The following SH3GL2 variants were observed in gnomAD, a reference collection of about 807,000 sequenced individuals.
SH3GL2 encodes the protein SH3 domain containing GRB2 like 2, endophilin A1, also known as endophilin-A1.
Under a neutral mutation model 46.0 loss-of-function variants are expected in SH3GL2, and 24 were observed. That is an observed-to-expected ratio of 0.52 (90% confidence interval 0.38 to 0.73). The LOEUF (loss-of-function observed/expected upper bound fraction) is 0.73, where lower values mean the gene tolerates loss of function less well. Among genes scored for constraint, SH3GL2 ranks in the 30% least tolerant of loss-of-function variants. SH3GL2 has a pLI of 0.00. For synonymous variants in SH3GL2, 196 were observed against 147.1 expected, an observed-to-expected ratio of 1.33 and a Z score of -2.40; for missense variants, 413 against 424.2, an observed-to-expected ratio of 0.97 and a Z score of 0.23.
intron 1 of SH3GL2, among the ~76,000 whole-genome samples, chr9:17,732,104 C>G (rs1822201177): frequency 1.3e-5 from 2 of 152,128 alleles, no homozygotes; most frequent in Non-Finnish European, 2.9e-5. Context: ...GGCCAACTCA[C>G]TTTCACTCTT....
At chr9:17,696,671 G>A (rs531168317) in intron 1 of SH3GL2, among the ~76,000 whole-genome samples, 1 of 152,204 alleles carries the variant, frequency 6.6e-6, no homozygotes, top group South Asian at 2.1e-4. Flanking sequence ...AACAGCATGG[G>A]GGAACTGCCC....
At chr9:17,714,692 A>G (rs547216810) in intron 1 of SH3GL2, among the ~76,000 whole-genome samples, 5 of 151,660 alleles carry the variant, frequency 3.3e-5, no homozygotes, top group African/African-American at 7.3e-5. Context: ...TCGTATATAT[A>G]TTTTACTTTT....
intron 3 of SH3GL2, among the ~76,000 whole-genome samples, chr9:17,785,414 A>G (rs983980236): frequency 2.0e-5 from 3 of 152,180 alleles, no homozygotes; most frequent in African/African-American, 4.8e-5. Context: ...TCTCATCTCT[A>G]TTCAATGCCT....
chr9:17,579,401 C>A (rs1818231876), intron 1 of SH3GL2, 114 bp downstream of exon 1: 1 of 521,624 alleles, frequency 1.9e-6, no homozygotes, highest in Non-Finnish European at 2.9e-6. Context: ...GCCTCGCCCG[C>A]GCCGGCCGCG....
At chr9:17,711,593 T>G (rs528505153) in intron 1 of SH3GL2, among the ~76,000 whole-genome samples, 1 of 151,982 alleles carries the variant, frequency 6.6e-6, no homozygotes, top group Non-Finnish European at 1.5e-5. Context: ...GTCTGACTTC[T>G]TTCAATCGGC....
At chr9:17,730,116 T>G (rs945465899) in intron 1 of SH3GL2, among the ~76,000 whole-genome samples, 6 of 150,480 alleles carry the variant, frequency 4.0e-5, no homozygotes, top group African/African-American at 1.5e-4. Context: ...TCCCATTTGT[T>G]TGTGTCCTCT....
At chr9:17,579,944 A>G (rs1036057765) in intron 1 of SH3GL2, among the ~76,000 whole-genome samples, 6 of 152,256 alleles carry the variant, frequency 3.9e-5, no homozygotes, top group Non-Finnish European at 8.8e-5. Context: ...ATATTTCCCT[A>G]AAACAACCAA....
At chr9:17,731,407 G>C (rs561352250) in intron 1 of SH3GL2, among the ~76,000 whole-genome samples, 3 of 151,678 alleles carry the variant, frequency 2.0e-5, no homozygotes, top group African/African-American at 7.3e-5. Context: ...GGAGGGAGGT[G>C]GGGGGAGGTA....
Position 17,645,151 on chromosome 9 carries a change from C to CTTT in SH3GL2, c.45+65893_45+65895dup, listed in dbSNP as rs57611978. ...TCAGAGACTAGGATTGCAAACGCTG[C>CTTT]TTTTTTTTTTTTTTTTTTTTTTTTT... On this transcript the variant is annotated intron_variant, in intron 1 of 8. Transcript: ENST00000380607. 3.1e-4 allele frequency among the ~76,000 whole-genome samples: 21 copies of CTTT among 68,778 alleles called. 1 individual carries two copies. The highest frequency in any genetic ancestry group is 1.2e-3 in the African/African-American group (18 of 15,358). The allele number at this position is 68,778 out of a possible 152,430, so 45.1% of individuals were successfully genotyped here.
chr9:17,640,697 C>T (rs907831474), intron 1 of SH3GL2, among the ~76,000 whole-genome samples: 2 of 152,184 alleles, frequency 1.3e-5, no homozygotes, highest in African/African-American at 2.4e-5. Context: ...TCTCATTTCT[C>T]GGAGACAAGG....
At chr9:17,628,458 G>A (rs1181488528) in intron 1 of SH3GL2, among the ~76,000 whole-genome samples, 1 of 149,824 alleles carries the variant, frequency 6.7e-6, no homozygotes, top group African/African-American at 2.5e-5. Context: ...GTGTGTATGT[G>A]CATGCACATT....
intron 3 of SH3GL2, among the ~76,000 whole-genome samples, chr9:17,771,778 C>G (rs1002922830): frequency 8.5e-5 from 13 of 152,112 alleles, no homozygotes; most frequent in Non-Finnish European, 1.8e-4. Context: ...TCCCTCCCTG[C>G]TGTTTCCTAC....
intron 1 of SH3GL2, among the ~76,000 whole-genome samples, chr9:17,674,022 T>G (rs1204665552): frequency 6.6e-6 from 1 of 152,186 alleles, no homozygotes; most frequent in Non-Finnish European, 1.5e-5. Context: ...TTTCCCTCTT[T>G]CCTTGTGTGG....
At chr9:17,633,163 G>A (rs1408960268) in intron 1 of SH3GL2, among the ~76,000 whole-genome samples, 3 of 152,194 alleles carry the variant, frequency 2.0e-5, no homozygotes, top group South Asian at 2.1e-4. Flanking sequence ...TGTGCCCTCA[G>A]GAGGGGAACT....
chr9:17,795,570 C>T lies in SH3GL2; in HGVS notation c.886C>T (p.Arg296Ter), dbSNP rs1020453667. ...TGTCCAAATGGATCAGCCCTGCTGC[C>T]GAGCTCTGTACGACTTTGAACCTGA... ...SGVQMDQPCC[R>*]ALYDFEPENE... Residue 296 changes from arginine to a stop codon, truncating the protein, a stop_gained, in exon 9 of 9, where the codon CGA (arginine) becomes TGA (stop). Coordinates refer to ENST00000380607, the MANE Select transcript of SH3GL2 (RefSeq NM_003026.5). LOFTEE classifies it high-confidence loss of function. The T allele has an allele frequency of 2.5e-6, 4 of 1,613,938 alleles. No individual in the cohort carries two copies. The highest frequency in any genetic ancestry group is 2.5e-6 in the Non-Finnish European group (3 of 1,179,882).
intron 1 of SH3GL2, among the ~76,000 whole-genome samples, chr9:17,614,909 C>G (rs1818950314): frequency 6.6e-6 from 1 of 152,160 alleles, no homozygotes; most frequent in African/African-American, 2.4e-5. Context: ...TCAAGTTTCC[C>G]CACACCCAAA....
At chr9:17,737,994 A>C (rs368596975) in intron 1 of SH3GL2, among the ~76,000 whole-genome samples, 2 of 151,992 alleles carry the variant, frequency 1.3e-5, no homozygotes, top group Admixed American at 6.6e-5. Context: ...TTCTCTCTCA[A>C]CTATGTTCTA....
rs1436787606 is a variant in SH3GL2 at position 17,796,591 on chromosome 9, A to C, written c.*848A>C. On this transcript the variant is annotated 3_prime_UTR_variant, in exon 9 of 9. Transcript: ENST00000380607. ...TATCTTCACTTCAGTTTTATTTGTG[A>C]ATTACATGTTTCATGAATCCATTTG... is the stretch of plus-strand genomic sequence containing the variant. 6.6e-6 allele frequency: 1 copy of C among 152,520 alleles called. No individual in the cohort carries two copies. The highest frequency in any genetic ancestry group is 2.4e-5 in the African/African-American group (1 of 41,458). The allele number at this position is 152,520 out of a possible 1,614,324, so 9.4% of individuals were successfully genotyped here.
chr9:17,636,833 A>G (rs935920477), intron 1 of SH3GL2, among the ~76,000 whole-genome samples: 1 of 152,228 alleles, frequency 6.6e-6, no homozygotes, highest in African/African-American at 2.4e-5. Flanking sequence ...ACTTATTGTT[A>G]TAACAATTGC....
Sources: gnomAD v4.1 joint callset for allele counts (sites outside exome capture counted in the v4.1 genomes callset) on GRCh38, gnomAD v4.1.1 for gene constraint, MANE v1.5 for transcripts, NCBI Gene and HGNC (gene_info 2026-07-23, HGNC 2026-07-21) for gene names.